SYNE1: variants seen among roughly 807,000 people sequenced by gnomAD.
SYNE1 encodes nesprin-1.
Under a neutral mutation model 1,111.0 loss-of-function variants are expected in SYNE1, and 616 were observed. The ratio of observed to expected loss-of-function variants is 0.55; its 90% confidence interval spans 0.52 to 0.59. The LOEUF (loss-of-function observed/expected upper bound fraction) is 0.59, where lower values mean the gene tolerates loss of function less well. Ranked by LOEUF, SYNE1 falls within the 20% of genes least tolerant of loss-of-function variation. The pLI is 0.00. For missense variants in SYNE1, 10,006 were observed against 10,417.0 expected (o/e 0.96, Z 1.72); for synonymous variants, 3,855 against 3,825.8 (o/e 1.01, Z -0.28).
At chr6:152,256,218 A>C (rs1253796786) in intron 102 of SYNE1, among the ~76,000 whole-genome samples, 1 of 152,016 alleles carries the variant, frequency 6.6e-6, no homozygotes, top group Non-Finnish European at 1.5e-5. Context: ...CAGGAGATCG[A>C]GACCATCCTG....
At position 152,354,847 on chromosome 6, in the gene SYNE1, G is replaced by C; in HGVS notation, c.10738C>G (p.Gln3580Glu). ...TCGGACAGCCTGTGCTGGTAAGCCT[G>C]CCAGTCTTGCCGGAGAGACTCTAAA... The part of the protein sequence containing the change: ...RALESLRQDW[Q>E]AYQHRLSETR... Residue 3580 changes from glutamine (Q) to glutamate (E), a missense_variant, in exon 67 of 146, where the codon CAG (glutamine) becomes GAG (glutamate). Transcript: ENST00000367255. The C allele has an allele frequency of 8.1e-6, 13 of 1,614,194 alleles. No individual in the cohort carries two copies. The highest frequency in any genetic ancestry group is 1.1e-5 in the Non-Finnish European group (13 of 1,180,042).
At chr6:152,123,620 C>T (rs2052247170) in intron 145 of SYNE1, among the ~76,000 whole-genome samples, 1 of 152,050 alleles carries the variant, frequency 6.6e-6, no homozygotes, top group South Asian at 2.1e-4. Context: ...TGGTTACTAG[C>T]AGAAAAGATG....
intron 77 of SYNE1, 51 bp from the exon 78 acceptor site, chr6:152,331,941 A>G (rs754263312): frequency 1.5e-5 from 24 of 1,600,178 alleles, no homozygotes; most frequent in Non-Finnish European, 2.0e-5. Context: ...GTCAATATCG[A>G]TGTTTGTTCA....
intron 11 of SYNE1, among the ~76,000 whole-genome samples, chr6:152,490,319 GA>G (rs34112876): frequency 0.2 from 29,830 of 151,838 alleles, 3,105 homozygotes; most frequent in Middle Eastern, 0.32. Context: ...GAATATCTAG[GA>G]ACAACTACAC....
chr6:152,574,948 G>T (rs938494410), intron 3 of SYNE1, among the ~76,000 whole-genome samples: 1 of 151,988 alleles, frequency 6.6e-6, no homozygotes, highest in African/African-American at 2.4e-5. Flanking sequence ...GTGGCTTTAG[G>T]TTCTTTAAGC....
intron 5 of SYNE1, 108 bp from the exon 6 acceptor site, chr6:152,520,650 A>G: frequency 8.1e-7 from 1 of 1,231,684 alleles, no homozygotes; most frequent in Non-Finnish European, 1.2e-6. Flanking sequence ...AATATTCAAA[A>G]GCAACCAACA....
At chr6:152,465,038 C>T (rs1192310678) in intron 18 of SYNE1, 1 of 585,424 alleles carries the variant, frequency 1.7e-6, no homozygotes, top group Admixed American at 2.7e-5. Context: ...TAGTGCCCTC[C>T]CCTTTGCTGC....
rs1453555044 is a variant in SYNE1, at chr6:152,234,834, C to T, written c.20397-34G>A. ...TATATTATGGAGTCCATTAAGTAAA[C>T]ATTTCATCCCTATCTTCTACTCACC... On this transcript the variant is annotated intron_variant, in intron 110 of 145. Transcript: ENST00000367255. 3.7e-6 allele frequency: 6 copies of T among 1,611,624 alleles called. No individual in the cohort carries two copies. In the African/African-American group the frequency reaches 5.3e-5, roughly 14 times the overall value.
At chr6:152,257,813 CAG>C (rs2091185858) in intron 101 of SYNE1, among the ~76,000 whole-genome samples, 1 of 151,972 alleles carries the variant, frequency 6.6e-6, no homozygotes, top group Admixed American at 6.6e-5. Context: ...GTCCCTGAAG[CAG>C]AGATATAATA....
chr6:152,307,390 G>C (rs1589720821), intron 91 of SYNE1, among the ~76,000 whole-genome samples: 2 of 152,216 alleles, frequency 1.3e-5, no homozygotes, highest in East Asian at 3.9e-4. Flanking sequence ...GAGTGGTTTG[G>C]AAAAATTGTT....
intron 3 of SYNE1, among the ~76,000 whole-genome samples, chr6:152,592,436 C>T (rs1434849958): frequency 6.6e-6 from 1 of 152,132 alleles, no homozygotes; most frequent in African/African-American, 2.4e-5. Flanking sequence ...AGCTGGAGGC[C>T]ATAATCCCTA....
At chr6:152,273,713 G>A (rs2093381280) in intron 98 of SYNE1, among the ~76,000 whole-genome samples, 1 of 152,222 alleles carries the variant, frequency 6.6e-6, no homozygotes. Flanking sequence ...AAAACTAGAA[G>A]ATCCAGCAAT....
intron 4 of SYNE1, among the ~76,000 whole-genome samples, chr6:152,534,938 G>A (rs2099226985): frequency 6.6e-6 from 1 of 152,146 alleles, no homozygotes; most frequent in Non-Finnish European, 1.5e-5. Flanking sequence ...CATCTAACTT[G>A]GTATTAAAAC....
chr6:152,330,294 T>A lies in SYNE1; in HGVS notation c.14391A>T (p.Val4797=), dbSNP rs769804804. Residue 4797 remains valine, a synonymous_variant, in exon 78 of 146, where the codon GTA becomes GTT. Transcript: ENST00000367255. ...CQQLERQLKS[V]KEEQSKVNEE... is the part of the protein sequence containing the mutation. ...CATTCACTTTGGACTGCTCCTCTTT[T>A]ACAGACTTCAGTTGTCTCTCCAGCT... 5 of 1,614,204 alleles carry A rather than the reference T, an allele frequency of 3.1e-6. No homozygotes were observed. The South Asian group carries it at 5.5e-5, about 18-fold the overall frequency.
intron 142 of SYNE1, 168 bp from the exon 143 acceptor site, chr6:152,133,656 C>G (rs1468234220): frequency 1.5e-6 from 1 of 669,286 alleles, no homozygotes; most frequent in East Asian, 2.7e-5. Context: ...AGTTCTAATC[C>G]TGCCTCTGCC....
intron 93 of SYNE1, 136 bp from the exon 94 acceptor site, chr6:152,294,263 G>C (rs2094757646): frequency 4.8e-6 from 4 of 827,394 alleles, no homozygotes; most frequent in Non-Finnish European, 7.7e-6. Flanking sequence ...TAGTAAATTA[G>C]TAAACTCTTG....
rs145559291 is a variant in SYNE1, at chr6:152,155,118, G to A, written c.23979-76C>T. 5,763 of 1,585,136 alleles carry A rather than the reference G, an allele frequency of 3.6e-3. 17 individuals carry two copies. The highest frequency in any genetic ancestry group is 4.4e-3 in the Non-Finnish European group (5,139 of 1,155,732). ...CTCCAGAACCCGGTCTGCTGCCTGC[G>A]ACTGGATTAAGGGTGCCCACAGAGG... On this transcript the variant is annotated intron_variant, in intron 132 of 145. Transcript: ENST00000367255.
intron 107 of SYNE1, among the ~76,000 whole-genome samples, chr6:152,241,672 A>G (rs1378227361): frequency 6.6e-6 from 1 of 152,182 alleles, no homozygotes; most frequent in Non-Finnish European, 1.5e-5. Context: ...TGAAGTCTAC[A>G]GCAACTAGAG....
chr6:152,341,871 G>A (rs1355025965), intron 74 of SYNE1, among the ~76,000 whole-genome samples: 1 of 152,126 alleles, frequency 6.6e-6, no homozygotes, highest in Non-Finnish European at 1.5e-5. Context: ...AGGACCTGCT[G>A]TACATGGTTT....
Sources: gnomAD v4.1 joint callset for allele counts (sites outside exome capture counted in the v4.1 genomes callset) on GRCh38, gnomAD v4.1.1 for gene constraint, MANE v1.5 for transcripts, NCBI Gene and HGNC (gene_info 2026-07-23, HGNC 2026-07-21) for gene names.